Variants in PRKCH observed in about 807,000 individuals in gnomAD.
The protein encoded by PRKCH is protein kinase C eta, also known as protein kinase C eta type.
In PRKCH, 28 loss-of-function variants were observed where a neutral mutation model predicts 82.5. That is an observed-to-expected ratio of 0.34 (90% CI 0.25 to 0.47). PRKCH has a LOEUF of 0.47. Ranked by LOEUF, PRKCH falls within the 20% of genes least tolerant of loss-of-function variation. The pLI is 1.00. For missense variants in PRKCH, 705 were observed against 881.8 expected (o/e 0.80, Z 2.54); for synonymous variants, 322 against 327.4 (o/e 0.98, Z 0.18).
intron 1 of PRKCH, among the ~76,000 whole-genome samples, chr14:61,222,701 A>G (rs971577940): frequency 2.0e-5 from 3 of 152,252 alleles, no homozygotes; most frequent in African/African-American, 7.2e-5. Context: ...ATCATGAGGT[A>G]GTCTTTCAAC....
chr14:61,344,994 G>T (rs1437031076), intron 1 of PRKCH, among the ~76,000 whole-genome samples: 1 of 152,076 alleles, frequency 6.6e-6, no homozygotes, highest in African/African-American at 2.4e-5. Flanking sequence ...TTATCATTAG[G>T]CTGGCCAAGA....
intron 6 of PRKCH, chr14:61,453,015 G>A (rs1443436718): frequency 1.7e-6 from 1 of 595,020 alleles, no homozygotes; most frequent in Non-Finnish European, 2.9e-6. Context: ...TTATTCTTTA[G>A]TATGCTTGCC....
chr14:61,208,897 G>A (rs1214592877), intron 1 of PRKCH, among the ~76,000 whole-genome samples: 1 of 152,138 alleles, frequency 6.6e-6, no homozygotes, highest in Non-Finnish European at 1.5e-5. Flanking sequence ...GGATAATTAG[G>A]TCGTTAGATG....
chr14:61,316,571 C>T (rs966024453), intron 1 of PRKCH, among the ~76,000 whole-genome samples: 1 of 152,098 alleles, frequency 6.6e-6, no homozygotes, highest in Non-Finnish European at 1.5e-5. Flanking sequence ...TAGTGATCAG[C>T]GTGGGATGTG....
chr14:61,336,020 C>T (rs1366779902), intron 1 of PRKCH, among the ~76,000 whole-genome samples: 5 of 152,186 alleles, frequency 3.3e-5, no homozygotes, highest in African/African-American at 1.2e-4. Context: ...CAACACAGTA[C>T]CTGCCTCACA....
chr14:61,356,091 C>T (rs1024884936), intron 1 of PRKCH, among the ~76,000 whole-genome samples: 3 of 152,140 alleles, frequency 2.0e-5, no homozygotes, highest in Admixed American at 1.3e-4. Context: ...ACTGACTGAG[C>T]GCTTGGCATT....
At position 61,406,436 on chromosome 14, in the gene PRKCH, G is replaced by C. The variant is rs551813836; in HGVS notation, c.427+15148G>C. Among the ~76,000 whole-genome samples the C allele has an allele frequency of 2.6e-5, 4 of 152,280 alleles. No individual in the cohort carries two copies. The East Asian group carries it at 7.7e-4, about 29-fold the overall frequency. On this transcript the variant is annotated intron_variant, in intron 2 of 13. Transcript: ENST00000332981. ...CTTGAAAGTGATAAAATCAGGATGGGAATGTTGGCTTTGCTGCCCATCAAC... is the reference window on the plus strand; with the variant it reads ...CTTGAAAGTGATAAAATCAGGATGGCAATGTTGGCTTTGCTGCCCATCAAC...
chr14:61,439,239 G>A (rs1221490565), intron 2 of PRKCH, among the ~76,000 whole-genome samples: 26 of 152,166 alleles, frequency 1.7e-4, no homozygotes, highest in Admixed American at 1.5e-3. Flanking sequence ...CAAACAATGA[G>A]GAAGTTCCCT....
chr14:61,321,524 A>ACCGCGGG (rs1459614893), upstream of PRKCH, among the ~76,000 whole-genome samples: 2 of 152,070 alleles, frequency 1.3e-5, no homozygotes, highest in African/African-American at 4.8e-5. This position sits in a 1 kb window ranked among gnomAD's most constrained non-coding sequence, Gnocchi z 4.1. Flanking sequence ...CGGGCCGCGG[A>ACCGCGGG]CCGCGGGCCA....
chr14:61,250,117 A>G (rs9944161), intron 1 of PRKCH, among the ~76,000 whole-genome samples: 139,467 of 150,336 alleles, frequency 0.93, 65,576 homozygotes, highest in Non-Finnish European at 1. Context: ...AAAATTAGGC[A>G]GGCACGGTCG....
chr14:61,281,922 C>T (rs1387410653), intron 1 of PRKCH: 1 of 128,114 alleles, frequency 7.8e-6, no homozygotes, highest in African/African-American at 3.3e-5. Flanking sequence ...GATTTTCTGG[C>T]CAGATCACCC....
At chr14:61,312,383 A>C (rs1320710953) in intron 1 of PRKCH, among the ~76,000 whole-genome samples, 2 of 152,200 alleles carry the variant, frequency 1.3e-5, no homozygotes, top group Non-Finnish European at 2.9e-5. Flanking sequence ...TAGGGTCATG[A>C]TGAATTACAG....
intron 1 of PRKCH, among the ~76,000 whole-genome samples, chr14:61,274,337 TG>T (rs2045184309): frequency 6.6e-6 from 1 of 152,058 alleles, no homozygotes; most frequent in Non-Finnish European, 1.5e-5. Flanking sequence ...ACCATGAAGG[TG>T]TGTATGTCCT....
chr14:61,470,898 G>A (rs1413386747), intron 9 of PRKCH, among the ~76,000 whole-genome samples: 1 of 152,118 alleles, frequency 6.6e-6, no homozygotes, highest in African/African-American at 2.4e-5. Flanking sequence ...ATCCTGGGAT[G>A]TGTTTGTCAG....
At chr14:61,506,602 G>A (rs1293053815) in intron 10 of PRKCH, among the ~76,000 whole-genome samples, 1 of 152,134 alleles carries the variant, frequency 6.6e-6, no homozygotes, top group East Asian at 1.9e-4. Context: ...CATGAAGGAT[G>A]GAAGCAGCCC....
intron 2 of PRKCH, among the ~76,000 whole-genome samples, chr14:61,404,423 G>A (rs1162401238): frequency 6.6e-6 from 1 of 152,104 alleles, no homozygotes; most frequent in Non-Finnish European, 1.5e-5. Flanking sequence ...ATACTTTTAT[G>A]TTATCCCCAC....
At chr14:61,546,663 T>C (rs933027228) in intron 12 of PRKCH, among the ~76,000 whole-genome samples, 1 of 152,198 alleles carries the variant, frequency 6.6e-6, no homozygotes, top group African/African-American at 2.4e-5. Flanking sequence ...TCCAAAACAA[T>C]TTTTATAAAC....
Position 61,530,594 on chromosome 14 carries a change from CTG to C in PRKCH, c.1761+1_1761+2del. The C allele has an allele frequency of 6.3e-7, 1 of 1,590,082 alleles. No homozygotes were observed. The highest frequency in any genetic ancestry group is 8.6e-7 in the Non-Finnish European group (1 of 1,165,508). On this transcript the variant is annotated splice_donor_variant and coding_sequence_variant, in exon 12 of 14. Coordinates refer to ENST00000332981, the MANE Select transcript of PRKCH (RefSeq NM_006255.5). LOFTEE classifies it high-confidence loss of function. ...GAAGATGCCACAGGGATCCTAAAAT[CTG>C]TAAGTTTGGCTTACCCAGCTAGCTT...
At chr14:61,413,472 C>G (rs1055560880) in intron 2 of PRKCH, among the ~76,000 whole-genome samples, 2 of 132,048 alleles carry the variant, frequency 1.5e-5, no homozygotes, top group African/African-American at 5.6e-5. Context: ...CCTACTTAAT[C>G]TGGAAAATTG....
Sources: gnomAD v4.1 joint callset for allele counts (sites outside exome capture counted in the v4.1 genomes callset) on GRCh38, gnomAD v4.1.1 for gene constraint, Gnocchi (gnomAD v3.1) non-coding constraint, MANE v1.5 for transcripts, NCBI Gene and HGNC (gene_info 2026-07-23, HGNC 2026-07-21) for gene names.